TIMM50: variants seen among roughly 807,000 people sequenced by gnomAD.
The protein encoded by TIMM50 is translocase of inner mitochondrial membrane 50, also known as mitochondrial import inner membrane translocase subunit TIM50.
In TIMM50, 34 loss-of-function variants were observed where a neutral mutation model predicts 49.6. The ratio of observed to expected loss-of-function variants is 0.69; its 90% confidence interval spans 0.52 to 0.91. TIMM50 has a LOEUF of 0.91. TIMM50 is among the 40% of genes least tolerant of loss of function. TIMM50 has a pLI of 0.00. For missense variants in TIMM50, 458 were observed against 477.8 expected (o/e 0.96, Z 0.39); for synonymous variants, 199 against 198.4 (o/e 1.00, Z -0.03).
In TIMM50 at chr19:39,489,969, G is replaced by T; in HGVS notation, c.*149G>T. On this transcript the variant is annotated 3_prime_UTR_variant, in exon 11 of 11. Coordinates refer to ENST00000607714, the MANE Select transcript of TIMM50 (RefSeq NM_001001563.5). Reference sequence around the variant, plus strand: ...CTCCAGATGGGGGCATCAGGGTGAGGTCCGGGACTCTTGGGTCATCGTCCC... The same window carrying T: ...CTCCAGATGGGGGCATCAGGGTGAGTTCCGGGACTCTTGGGTCATCGTCCC... 1.3e-6 allele frequency: 1 copy of T among 743,626 alleles called. No individual in the cohort carries two copies. The highest frequency in any genetic ancestry group is 2.5e-5 in the Admixed American group (1 of 39,584). 46.1% of individuals were successfully genotyped at this position (743,626 alleles called of 1,614,324 possible). A position where few individuals can be genotyped will look rare whatever the true frequency, so the allele number is the denominator to read the frequency against.
At chr19:39,483,189 G>A (rs2079484147) in intron 4 of TIMM50, 33 bp downstream of exon 4, 2 of 1,613,774 alleles carry the variant, frequency 1.2e-6, no homozygotes, top group Non-Finnish European at 1.7e-6. Context: ...TGGAGTCCCT[G>A]ACCCTCTCAA....
intron 4 of TIMM50, chr19:39,483,647 A>T (rs2079486786): frequency 6.4e-6 from 1 of 156,336 alleles, no homozygotes; most frequent in Non-Finnish European, 1.4e-5. Context: ...AGAAAAATGA[A>T]ATTGGTGGGT....
chr19:39,483,191 C>G, intron 4 of TIMM50, 35 bp downstream of exon 4: 1 of 1,613,524 alleles, frequency 6.2e-7, no homozygotes, highest in Non-Finnish European at 8.5e-7. Context: ...GAGTCCCTGA[C>G]CCTCTCAACT....
In TIMM50 at chr19:39,488,092, G is replaced by A. The variant is rs1229656964; in HGVS notation, c.728G>A (p.Arg243Gln). Residue 243 changes from arginine to glutamine, a missense_variant, in exon 9 of 11, where the codon CGA becomes CAA. Transcript: ENST00000607714. Reference sequence around the variant, plus strand: ...TCATGTCTGAATCGGGACCCAGCTCGAGTAGTAGTTGTGGACTGCAAGAAG... The same window carrying A: ...TCATGTCTGAATCGGGACCCAGCTCAAGTAGTAGTTGTGGACTGCAAGAAG... ...DISCLNRDPA[R>Q]VVVVDCKKEA... The A allele has an allele frequency of 8.1e-6, 13 of 1,612,254 alleles. No individual in the cohort carries two copies. Among genetic ancestry groups the A allele is most frequent in the South Asian group, 1.1e-5 (1 of 91,060 alleles).
rs1455611033 is a variant in TIMM50 at position 39,486,385 on chromosome 19, TC to T, written c.598-9del. On this transcript the variant is annotated splice_polypyrimidine_tract_variant and intron_variant, in intron 7 of 10. Transcript: ENST00000607714. ...TCAGCCTGACCTTTTCTCGCTCCCT[TC>T]CCACCCCCAGACTGCGTTTCCACTC... is the stretch of plus-strand genomic sequence containing the variant. 6.2e-7 allele frequency: 1 copy of T among 1,613,986 alleles called. No homozygotes were observed. The highest frequency in any genetic ancestry group is 1.7e-5 in the Admixed American group (1 of 60,012).
At position 39,493,095 on chromosome 19, in the gene TIMM50, T is replaced by C. The variant is rs556590313; in HGVS notation, c.*3275T>C. On this transcript the variant is annotated 3_prime_UTR_variant, in exon 11 of 11. Coordinates refer to ENST00000607714, the MANE Select transcript of TIMM50 (RefSeq NM_001001563.5). Reference sequence around the variant, plus strand: ...CCAGACTGAACCTCTGCACTCTAGATTTTTTTTTTTTTGAAGCCTCTACAA... The same window carrying C: ...CCAGACTGAACCTCTGCACTCTAGACTTTTTTTTTTTTGAAGCCTCTACAA... The C allele has an allele frequency of 1.1e-4, 15 of 141,346 alleles. No homozygotes were observed. Among genetic ancestry groups the C allele is most frequent in the African/African-American group, 3.5e-4 (13 of 37,138 alleles). The allele number at this position is 141,346 out of a possible 1,614,324, so 8.8% of individuals were successfully genotyped here.
intron 4 of TIMM50, chr19:39,485,278 A>G (rs879257321): frequency 4.8e-5 from 25 of 520,332 alleles, no homozygotes; most frequent in Non-Finnish European, 8.3e-5. Flanking sequence ...GTGGGTTTTA[A>G]GTGGGCCAAT....
At chr19:39,485,372 T>G in intron 4 of TIMM50, 172 bp from the exon 5 acceptor site, 1 of 676,110 alleles carries the variant, frequency 1.5e-6, no homozygotes, top group Non-Finnish European at 2.6e-6. Flanking sequence ...AAATCTGTGT[T>G]CCTATCTGGC....
chr19:39,486,329 T>G (rs1865094), intron 7 of TIMM50, 38 bp downstream of exon 7: 2 of 1,612,920 alleles, frequency 1.2e-6, no homozygotes, highest in Non-Finnish European at 1.7e-6. Context: ...ATTGGTGTGG[T>G]GGGAGGCGTA....
In TIMM50 at chr19:39,492,212, G is replaced by C. The variant is rs1184013681; in HGVS notation, c.*2392G>C. 1 of 151,926 alleles carries C rather than the reference G, an allele frequency of 6.6e-6. No individual in the cohort carries two copies. Among genetic ancestry groups the C allele is most frequent in the Non-Finnish European group, 1.5e-5 (1 of 68,004 alleles). The allele number at this position is 151,926 out of a possible 1,614,324, so 9.4% of individuals were successfully genotyped here. On this transcript the variant is annotated 3_prime_UTR_variant, in exon 11 of 11. Coordinates refer to ENST00000607714, the MANE Select transcript of TIMM50 (RefSeq NM_001001563.5). ...AAATAATAACTGGGCAGGCACAGTGGCTCATGGCTGTCATCCCAACACTTC... is the reference window on the plus strand; with the variant it reads ...AAATAATAACTGGGCAGGCACAGTGCCTCATGGCTGTCATCCCAACACTTC...
At chr19:39,481,837 C>T (rs745682825) in intron 1 of TIMM50, 46 bp from the exon 2 acceptor site, 1 of 1,594,182 alleles carries the variant, frequency 6.3e-7, no homozygotes, top group African/African-American at 1.3e-5. Flanking sequence ...GGGGACCATC[C>T]TGACCTCTCT....
At chr19:39,482,140 G>C in intron 2 of TIMM50, 107 bp downstream of exon 2, 1 of 1,436,052 alleles carries the variant, frequency 7.0e-7, no homozygotes, top group Non-Finnish European at 9.5e-7. Flanking sequence ...TCATTCCCTG[G>C]CTCCTTCCTC....
intron 8 of TIMM50, 33 bp from the exon 9 acceptor site, chr19:39,488,028 C>T (rs1442789890): frequency 6.3e-7 from 1 of 1,586,268 alleles, no homozygotes. Flanking sequence ...GAGTTGGGCA[C>T]AGATGTTGAC....
Position 39,492,044 on chromosome 19 carries a change from T to G in TIMM50, c.*2224T>G, listed in dbSNP as rs1342193331. The G allele has an allele frequency of 2.6e-5, 4 of 152,062 alleles. No individual in the cohort carries two copies. The highest frequency in any genetic ancestry group is 9.7e-5 in the African/African-American group (4 of 41,400). The allele number at this position is 152,062 out of a possible 1,614,324, so 9.4% of individuals were successfully genotyped here. ...TTTTAATTAAATAGCCACATGTGTC[T>G]CCTGTATTGACAGTACCACTGTGTA... On this transcript the variant is annotated 3_prime_UTR_variant, in exon 11 of 11. Transcript: ENST00000607714.
chr19:39,486,560 G>A (rs2079509082), intron 8 of TIMM50, 65 bp downstream of exon 8: 1 of 1,439,966 alleles, frequency 6.9e-7, no homozygotes, highest in Non-Finnish European at 9.8e-7. Context: ...AGGGAAGGAG[G>A]GCCCAGCTCT....
At position 39,486,383 on chromosome 19, in the gene TIMM50, C is replaced by T. The variant is rs1364088308; in HGVS notation, c.598-14C>T. 2.5e-6 allele frequency: 4 copies of T among 1,613,930 alleles called. No homozygotes were observed. In the South Asian group the frequency reaches 3.3e-5, roughly 13 times the overall value. On this transcript the variant is annotated splice_polypyrimidine_tract_variant and intron_variant, in intron 7 of 10. Transcript: ENST00000607714. ...GCTCAGCCTGACCTTTTCTCGCTCC[C>T]TTCCCACCCCCAGACTGCGTTTCCA...
intron 8 of TIMM50, 64 bp from the exon 9 acceptor site, chr19:39,487,997 T>G: frequency 6.4e-7 from 1 of 1,559,362 alleles, no homozygotes; most frequent in Non-Finnish European, 8.7e-7. Context: ...TTGTGTGTTT[T>G]GGGTCTTCTT....
rs1036694116 is a variant in TIMM50, at chr19:39,492,911, G to A, written c.*3091G>A. On this transcript the variant is annotated 3_prime_UTR_variant, in exon 11 of 11. Transcript: ENST00000607714. ...AAAAAAACAAAAAAAAAACCAGTTTGACTTTATCTCCCTCGCCCTGCCTCC... is the reference window on the plus strand; with the variant it reads ...AAAAAAACAAAAAAAAAACCAGTTTAACTTTATCTCCCTCGCCCTGCCTCC... 20 of 118,222 alleles carry A rather than the reference G, an allele frequency of 1.7e-4. No homozygotes were observed. Among genetic ancestry groups the A allele is most frequent in the African/African-American group, 6.1e-4 (20 of 32,548 alleles). The allele number at this position is 118,222 out of a possible 1,614,324, so 7.3% of individuals were successfully genotyped here. A position where few individuals can be genotyped will look rare whatever the true frequency, so the allele number is the denominator to read the frequency against.
intron 4 of TIMM50, 86 bp downstream of exon 4, chr19:39,483,242 C>A: frequency 6.4e-7 from 1 of 1,562,332 alleles, no homozygotes. Context: ...TCTGGTGTCT[C>A]CGGCCCCTCC....
Sources: allele counts gnomAD v4.1 joint callset, GRCh38; gene constraint gnomAD v4.1.1; transcripts MANE v1.5; gene names NCBI Gene and HGNC (gene_info 2026-07-23, HGNC 2026-07-21).